The following SLC14A2 variants were observed in gnomAD, a reference collection of about 807,000 sequenced individuals.
SLC14A2 encodes urea transporter 2.
A neutral mutation model predicts 104.6 loss-of-function variants in SLC14A2; 91 were observed. That is an observed-to-expected ratio of 0.87 (90% CI 0.73 to 1.04). SLC14A2 has a LOEUF of 1.04. Among genes scored for constraint, SLC14A2 ranks in the 50% least tolerant of loss-of-function variants. The probability of loss-of-function intolerance (pLI) is 0.00; values close to 1 mark genes in which losing one functional copy is unlikely to be tolerated. For missense variants in SLC14A2, 1,189 were observed against 1,156.0 expected, an observed-to-expected ratio of 1.03 and a Z score of -0.41; for synonymous variants, 476 against 466.4, an observed-to-expected ratio of 1.02 and a Z score of -0.27.
At chr18:45,555,238 G>A (rs773858854) in intron 2 of SLC14A2, among the ~76,000 whole-genome samples, 1 of 152,222 alleles carries the variant, frequency 6.6e-6, no homozygotes, top group South Asian at 2.1e-4. Flanking sequence ...CAATTCCAAG[G>A]GGAGGGGAGA....
At chr18:45,209,041 A>G (rs1434157401), upstream of SLC14A2, among the ~76,000 whole-genome samples, 1 of 148,080 alleles carries the variant, frequency 6.8e-6, no homozygotes, top group Non-Finnish European at 1.5e-5. Flanking sequence ...AAAAAAAAAA[A>G]CAACAACAAC....
chr18:45,599,067 G>T (rs1241703134), intron 2 of SLC14A2, among the ~76,000 whole-genome samples: 1 of 152,158 alleles, frequency 6.6e-6, no homozygotes, highest in Non-Finnish European at 1.5e-5. Flanking sequence ...GAAAATGACA[G>T]AGAGAAAGTC....
intron 10 of SLC14A2, among the ~76,000 whole-genome samples, chr18:45,661,229 C>A (rs2045932183): frequency 6.6e-6 from 1 of 152,232 alleles, no homozygotes; most frequent in Admixed American, 6.5e-5. Context: ...CACTCTCCAC[C>A]TGTGTTACTA....
Position 45,660,204 on chromosome 18 carries a change from C to A in SLC14A2, c.1352-3581C>A, listed in dbSNP as rs142098759. Among the ~76,000 whole-genome samples, 292 of 152,262 alleles carry A rather than the reference C, an allele frequency of 1.9e-3. 2 individuals carry two copies. The highest frequency in any genetic ancestry group is 6.8e-3 in the African/African-American group (284 of 41,550). On this transcript the variant is annotated intron_variant, in intron 10 of 19. Coordinates refer to ENST00000255226, the MANE Select transcript of SLC14A2 (RefSeq NM_007163.4). Reference sequence around the variant, plus strand: ...TCAACAAACTACAGTATACCACATTCATGATAGTTAGTGGGGAGCCAAGCA... The same window carrying A: ...TCAACAAACTACAGTATACCACATTAATGATAGTTAGTGGGGAGCCAAGCA...
At chr18:45,636,222 T>C (rs1175543542) in intron 5 of SLC14A2, among the ~76,000 whole-genome samples, 2 of 152,228 alleles carry the variant, frequency 1.3e-5, no homozygotes, top group South Asian at 2.1e-4. Flanking sequence ...TTTAAACACA[T>C]CATGCAACTT....
chr18:45,343,337 C>T (rs139366994), intron 1 of SLC14A2, among the ~76,000 whole-genome samples: 22 of 152,124 alleles, frequency 1.4e-4, no homozygotes, highest in African/African-American at 4.3e-4. Flanking sequence ...TATGTAGTTT[C>T]AGGTGATCAG....
At chr18:45,553,039 T>C (rs772830537) in intron 2 of SLC14A2, among the ~76,000 whole-genome samples, 8 of 152,140 alleles carry the variant, frequency 5.3e-5, no homozygotes, top group Non-Finnish European at 8.8e-5. Flanking sequence ...TGAGAGATGA[T>C]GGTGACCTGG....
At chr18:45,619,231 G>A (rs1412265876) in intron 1 of SLC14A2, among the ~76,000 whole-genome samples, 1 of 152,234 alleles carries the variant, frequency 6.6e-6, no homozygotes, top group Admixed American at 6.5e-5. Context: ...CATGGAAGCT[G>A]AGCCCAGTCT....
chr18:45,562,459 A>G (rs1012605174), intron 2 of SLC14A2, among the ~76,000 whole-genome samples: 6 of 152,174 alleles, frequency 3.9e-5, no homozygotes, highest in Non-Finnish European at 8.8e-5. Context: ...GTGTTCAATG[A>G]ATAGGAGAGA....
intron 1 of SLC14A2, among the ~76,000 whole-genome samples, chr18:45,474,867 C>T (rs931142605): frequency 6.6e-6 from 1 of 151,636 alleles, no homozygotes; most frequent in African/African-American, 2.4e-5. Context: ...TTTTTTGTGT[C>T]TCTATCTCCT....
chr18:45,471,507 T>C (rs568793452), intron 1 of SLC14A2, among the ~76,000 whole-genome samples: 1 of 152,318 alleles, frequency 6.6e-6, no homozygotes, highest in African/African-American at 2.4e-5. Context: ...TATTCTATAT[T>C]TTTTAGTATT....
intron 1 of SLC14A2, among the ~76,000 whole-genome samples, chr18:45,443,465 G>A (rs910401430): frequency 3.9e-5 from 6 of 152,182 alleles, no homozygotes; most frequent in East Asian, 1.9e-4. Context: ...CAATCTTTCC[G>A]TGGATGTGTG....
chr18:45,585,164 G>A (rs2044548833), intron 2 of SLC14A2, among the ~76,000 whole-genome samples: 1 of 151,840 alleles, frequency 6.6e-6, no homozygotes, highest in South Asian at 2.1e-4. Context: ...TCCTTCCTGG[G>A]CTTCAGACAT....
At position 45,268,964 on chromosome 18, in the gene SLC14A2, T is replaced by TGTGTGTGTGTGTGTGTGTGTG. The variant is rs2084621690; in HGVS notation, c.-125+55773_-125+55774insGTGTGTGTGTGTGTGTGTGTG. ...TGCCTCCTTTATGCTGTTGGTGTGT[T>TGTGTGTGTGTGTGTGTGTGTG]TGTGTGTGTGTGTGTGTGTGTGTAC... is the stretch of plus-strand genomic sequence containing the variant. On this transcript the variant is annotated intron_variant, in intron 1 of 20. Coordinates refer to the SLC14A2 transcript ENST00000586448. 2.8e-5 allele frequency among the ~76,000 whole-genome samples: 4 copies of TGTGTGTGTGTGTGTGTGTGTG among 143,560 alleles called. No homozygotes were observed. In the South Asian group the frequency reaches 8.8e-4, roughly 32 times the overall value. 94.2% of individuals were successfully genotyped at this position (143,560 alleles called of 152,430 possible).
intron 1 of SLC14A2, among the ~76,000 whole-genome samples, chr18:45,316,032 T>C (rs2085126051): frequency 6.6e-6 from 1 of 152,188 alleles, no homozygotes; most frequent in African/African-American, 2.4e-5. Context: ...CTGACTCTTG[T>C]GGAAGAAGTA....
intron 7 of SLC14A2, among the ~76,000 whole-genome samples, chr18:45,640,522 T>C (rs4890562): frequency 0.91 from 138,620 of 152,220 alleles, 63,202 homozygotes; most frequent in Middle Eastern, 0.95. Flanking sequence ...CCTGTGTATA[T>C]GTATGTATAC....
intron 1 of SLC14A2, among the ~76,000 whole-genome samples, chr18:45,450,160 G>A (rs1017354121): frequency 1.3e-5 from 2 of 152,202 alleles, no homozygotes; most frequent in African/African-American, 2.4e-5. Flanking sequence ...TCACAAAACT[G>A]GAAATCAGTC....
At chr18:45,277,404 T>C (rs114220791) in intron 1 of SLC14A2, among the ~76,000 whole-genome samples, 55 of 152,294 alleles carry the variant, frequency 3.6e-4, no homozygotes, top group African/African-American at 1.3e-3. Context: ...GAAAAATACA[T>C]AGTAGTTAGT....
chr18:45,622,108 G>T (rs1451393424), intron 1 of SLC14A2, among the ~76,000 whole-genome samples: 1 of 152,190 alleles, frequency 6.6e-6, no homozygotes, highest in East Asian at 1.9e-4. Context: ...CTTTAAGCAG[G>T]GATCCAACAT....
Sources: gnomAD v4.1 joint callset for allele counts (sites outside exome capture counted in the v4.1 genomes callset) on GRCh38, gnomAD v4.1.1 for gene constraint, MANE v1.5 for transcripts, NCBI Gene and HGNC (gene_info 2026-07-23, HGNC 2026-07-21) for gene names.